MROH2B: variants seen among roughly 807,000 people sequenced by gnomAD.
MROH2B encodes the protein maestro heat-like repeat-containing protein family member 2B.
MROH2B carries 177 observed loss-of-function variants against 208.6 expected under a neutral mutation model. The ratio of observed to expected loss-of-function variants is 0.85; its 90% CI spans 0.75 to 0.96. The LOEUF is 0.96. Ranked by LOEUF, MROH2B falls within the 40% of genes least tolerant of loss-of-function variation. MROH2B has a pLI of 0.00. For missense variants in MROH2B, 2,002 were observed against 1,878.7 expected (o/e 1.07, Z -1.21); for synonymous variants, 728 against 659.0 (o/e 1.10, Z -1.60).
chr5:41,016,400 G>T (rs1741949621), intron 28 of MROH2B, among the ~76,000 whole-genome samples: 1 of 150,966 alleles, frequency 6.6e-6, no homozygotes, highest in East Asian at 2.0e-4. Flanking sequence ...TTAGGAAAAT[G>T]AAGTGGGCTA....
At position 41,047,731 on chromosome 5, in the gene MROH2B, A is replaced by G. The variant is rs1319336854; in HGVS notation, c.1718T>C (p.Met573Thr). 73 of 1,595,356 alleles carry G rather than the reference A, an allele frequency of 4.6e-5. No homozygotes were observed. Among genetic ancestry groups the G allele is most frequent in the Non-Finnish European group, 6.2e-5 (72 of 1,170,026 alleles). ...AGAAGCCAGCCTTACCTGAAGCAGC[A>G]TGGTTTCCCATAGAACGGTACTGAT... is the stretch of plus-strand genomic sequence containing the variant. ...KNISTVLWET[M>T]LLQLLKESLW... Residue 573 changes from methionine to threonine, a missense_variant, in exon 17 of 42, where the codon ATG (methionine) becomes ACG (threonine). Met to Thr is a moderately conservative substitution (Grantham distance 81, BLOSUM62 -1). Transcript: ENST00000399564.
In MROH2B at chr5:41,008,798, G is replaced by A; in HGVS notation, c.3421-5C>T. ...TTCATACATAGCACAGGCCACCTGA[G>A]GGGAGAAAGGGCCTCTTGGTCAGGC... On this transcript the variant is annotated splice_polypyrimidine_tract_variant and splice_region_variant and intron_variant, in intron 32 of 41. Transcript: ENST00000399564. The A allele has an allele frequency of 6.2e-7, 1 of 1,604,778 alleles. No individual in the cohort carries two copies. Among genetic ancestry groups the A allele is most frequent in the Non-Finnish European group, 8.5e-7 (1 of 1,173,532 alleles).
At chr5:41,033,233 G>C (rs1742637128) in intron 22 of MROH2B, 73 bp from the exon 23 acceptor site, 7 of 1,561,874 alleles carry the variant, frequency 4.5e-6, no homozygotes, top group Admixed American at 3.7e-5. Flanking sequence ...ATGTGACCTA[G>C]CTTTGAAATA....
intron 35 of MROH2B, chr5:41,005,230 T>G (rs1438252052): frequency 1.9e-6 from 1 of 525,536 alleles, no homozygotes; most frequent in East Asian, 3.0e-5. Flanking sequence ...GGAATAGTCT[T>G]CAGGCCGGAA....
chr5:41,003,767 T>G (rs1741481286), intron 37 of MROH2B, among the ~76,000 whole-genome samples: 2 of 152,162 alleles, frequency 1.3e-5, no homozygotes, highest in Admixed American at 1.3e-4. Flanking sequence ...AGGTTTAGAT[T>G]ACAAAATAAT....
chr5:41,008,885 C>A, intron 32 of MROH2B, 92 bp from the exon 33 acceptor site: 1 of 1,255,734 alleles, frequency 8.0e-7, no homozygotes. Flanking sequence ...TTTTCTCCAC[C>A]AGTAAAAACA....
intron 11 of MROH2B, among the ~76,000 whole-genome samples, chr5:41,053,609 A>G (rs1204649522): frequency 6.6e-6 from 1 of 152,192 alleles, no homozygotes; most frequent in Non-Finnish European, 1.5e-5. Flanking sequence ...CAAAACAATT[A>G]GCATAAAGAC....
Position 41,065,464 on chromosome 5 carries a change from A to G in MROH2B, c.228T>C (p.Ala76=), listed in dbSNP as rs1561309464. ...NNMLREIRML[A]GEVLVSLAAH... is the part of the protein sequence containing the mutation. ...CAGCAAGAGACACCAAAACCTCACC[A>G]GCTAGCATTCTGATTTCTCTGAGCA... Residue 76 remains alanine, a synonymous_variant, in exon 4 of 42, where the codon GCT becomes GCC. Coordinates refer to ENST00000399564, the MANE Select transcript of MROH2B (RefSeq NM_173489.5). 1 of 1,613,214 alleles carries G rather than the reference A, an allele frequency of 6.2e-7. No homozygotes were observed. The highest frequency in any genetic ancestry group is 2.2e-5 in the East Asian group (1 of 44,864).
intron 5 of MROH2B, among the ~76,000 whole-genome samples, chr5:41,063,855 G>A (rs899623455): frequency 2.0e-5 from 3 of 152,062 alleles, no homozygotes; most frequent in African/African-American, 4.8e-5. Flanking sequence ...GGAATTCCAG[G>A]GCACGTTCTT....
chr5:40,999,664 G>A lies in MROH2B; in HGVS notation c.4585+13C>T, dbSNP rs1741321859. On this transcript the variant is annotated intron_variant, in intron 40 of 41. Coordinates refer to ENST00000399564, the MANE Select transcript of MROH2B (RefSeq NM_173489.5). ...CAGACATATCTGGGTAGGAAATGGG[G>A]ATGTGTACTCACCTGTGAGTTTGAC... The A allele has an allele frequency of 1.2e-6, 2 of 1,601,526 alleles. No individual in the cohort carries two copies. Among genetic ancestry groups the A allele is most frequent in the Non-Finnish European group, 1.7e-6 (2 of 1,171,268 alleles).
chr5:41,061,209 C>T lies in MROH2B; in HGVS notation c.615+361G>A, dbSNP rs200663800. Among the ~76,000 whole-genome samples, 4 of 152,264 alleles carry T rather than the reference C, an allele frequency of 2.6e-5. No homozygotes were observed. The East Asian group carries it at 7.7e-4, about 29-fold the overall frequency. On this transcript the variant is annotated intron_variant, in intron 6 of 41. Transcript: ENST00000399564. ...CTCAGCTCATATATGAGTTTTAATA[C>T]ATAAAATGTGAAATATCTAACTTTC...
intron 21 of MROH2B, among the ~76,000 whole-genome samples, chr5:41,036,894 T>C (rs1742783153): frequency 6.6e-6 from 1 of 152,224 alleles, no homozygotes; most frequent in Admixed American, 6.5e-5. Context: ...ATGGAGTTTT[T>C]TGAGTGTTAT....
chr5:41,066,478 A>T (rs1166822877), intron 3 of MROH2B, among the ~76,000 whole-genome samples: 1 of 152,060 alleles, frequency 6.6e-6, no homozygotes, highest in African/African-American at 2.4e-5. Flanking sequence ...CAGTGGTGAG[A>T]CTCTGGTCAT....
chr5:41,004,928 A>G lies in MROH2B; in HGVS notation c.3865-8T>C. The G allele has an allele frequency of 1.2e-6, 2 of 1,613,350 alleles. No homozygotes were observed. Among genetic ancestry groups the G allele is most frequent in the Non-Finnish European group, 8.5e-7 (1 of 1,179,576 alleles). ...GATTGGTTCCTTCATGAGCTGAAAT[A>G]ATCAACACACTCCTCCCGTTTAGTT... On this transcript the variant is annotated splice_region_variant and splice_polypyrimidine_tract_variant and intron_variant, in intron 35 of 41. Coordinates refer to ENST00000399564, the MANE Select transcript of MROH2B (RefSeq NM_173489.5).
intron 3 of MROH2B, 33 bp from the exon 4 acceptor site, chr5:41,065,523 T>C: frequency 1.9e-6 from 3 of 1,591,978 alleles, no homozygotes; most frequent in Non-Finnish European, 1.7e-6. Context: ...CAATAACAAC[T>C]AGAAAAGGGG....
At chr5:41,047,010 A>T (rs1561298947) in intron 17 of MROH2B, among the ~76,000 whole-genome samples, 1 of 152,182 alleles carries the variant, frequency 6.6e-6, no homozygotes, top group African/African-American at 2.4e-5. Context: ...CTGTGGAGAG[A>T]TCATTGAAAA....
intron 24 of MROH2B, among the ~76,000 whole-genome samples, chr5:41,028,127 T>A (rs1215635914): frequency 6.6e-6 from 1 of 152,202 alleles, no homozygotes; most frequent in Non-Finnish European, 1.5e-5. Flanking sequence ...ACATGGGATA[T>A]GTATACGTAT....
intron 5 of MROH2B, 95 bp downstream of exon 5, chr5:41,064,377 G>T: frequency 1.0e-6 from 1 of 990,878 alleles, no homozygotes; most frequent in Non-Finnish European, 1.5e-6. Context: ...AAAAGGACAA[G>T]ATTGGAGTTA....
intron 38 of MROH2B, 45 bp from the exon 39 acceptor site, chr5:41,000,396 C>A (rs770880199): frequency 2.5e-6 from 4 of 1,600,970 alleles, no homozygotes; most frequent in Admixed American, 1.8e-5. Context: ...ACGTTAGGAT[C>A]TCCTTCCAGA....
Sources: gnomAD v4.1 joint callset for allele counts (sites outside exome capture counted in the v4.1 genomes callset) on GRCh38, gnomAD v4.1.1 for gene constraint, MANE v1.5 for transcripts, NCBI Gene and HGNC (gene_info 2026-07-23, HGNC 2026-07-21) for gene names.